ROBO2: variants seen among roughly 807,000 people sequenced by gnomAD.
The protein encoded by ROBO2 is roundabout guidance receptor 2.
ROBO2 carries 53 observed loss-of-function variants against 160.8 expected under a neutral mutation model. The observed-to-expected ratio is 0.33, with a 90% CI of 0.26 to 0.41. ROBO2 has a LOEUF of 0.41. Among genes scored for constraint, ROBO2 ranks in the 10% least tolerant of loss-of-function variants. ROBO2 has a pLI of 1.00. For missense variants in ROBO2, 1,577 were observed against 1,722.4 expected, an observed-to-expected ratio of 0.92 and a Z score of 1.49; for synonymous variants, 664 against 611.7, an observed-to-expected ratio of 1.09 and a Z score of -1.26.
intron 2 of ROBO2, among the ~76,000 whole-genome samples, chr3:76,195,918 A>G (rs976066239): frequency 6.6e-6 from 1 of 152,114 alleles, no homozygotes; most frequent in South Asian, 2.1e-4. Context: ...TAGTTTTATA[A>G]GGTAGGGTCA....
At position 76,052,969 on chromosome 3, in the gene ROBO2, A is replaced by G. The variant is rs998987513; in HGVS notation, c.109+115367A>G. ...TAAGAAATATAACCTTTGGTTATTTATATTTTAAAGAAGCTAGTTTTATGA... is the reference window on the plus strand; with the variant it reads ...TAAGAAATATAACCTTTGGTTATTTGTATTTTAAAGAAGCTAGTTTTATGA... On this transcript the variant is annotated intron_variant, in intron 2 of 26. Transcript: ENST00000487694. Among the ~76,000 whole-genome samples the G allele has an allele frequency of 3.3e-4, 50 of 152,026 alleles. 1 individual carries two copies. The highest frequency in any genetic ancestry group is 2.7e-3 in the Admixed American group (41 of 15,266).
chr3:76,127,460 T>C (rs184761565), intron 2 of ROBO2, among the ~76,000 whole-genome samples: 2 of 152,200 alleles, frequency 1.3e-5, no homozygotes, highest in Non-Finnish European at 1.5e-5. Flanking sequence ...ATCTAACTTA[T>C]ATAATTTTCT....
intron 2 of ROBO2, among the ~76,000 whole-genome samples, chr3:77,219,436 A>ATATATG (rs2085441858): frequency 9.6e-6 from 1 of 104,688 alleles, no homozygotes; most frequent in Non-Finnish European, 1.8e-5. Flanking sequence ...ATGTGTGTGT[A>ATATATG]TATATATATA....
At chr3:76,792,216 A>G (rs2063402282) in intron 2 of ROBO2, among the ~76,000 whole-genome samples, 1 of 151,932 alleles carries the variant, frequency 6.6e-6, no homozygotes, top group African/African-American at 2.4e-5. Flanking sequence ...ATATAAATGC[A>G]CAGCACTCTC....
chr3:77,193,636 C>A (rs1004011273), intron 2 of ROBO2, among the ~76,000 whole-genome samples: 1 of 151,980 alleles, frequency 6.6e-6, no homozygotes, highest in Admixed American at 6.6e-5. Flanking sequence ...TGGGCCATGA[C>A]CTTGGAGTAG....
chr3:76,579,976 T>C (rs2108704148), intron 2 of ROBO2, among the ~76,000 whole-genome samples: 1 of 152,212 alleles, frequency 6.6e-6, no homozygotes, highest in East Asian at 1.9e-4. Context: ...AGCAAGTACT[T>C]TGATTTAGCT....
chr3:77,290,244 A>C (rs1190385576), intron 2 of ROBO2, among the ~76,000 whole-genome samples: 1 of 144,372 alleles, frequency 6.9e-6, no homozygotes, highest in African/African-American at 2.6e-5. Flanking sequence ...AGTAAAATTG[A>C]TGGTTAAACG....
upstream of ROBO2, among the ~76,000 whole-genome samples, chr3:77,037,203 A>C (rs2149587123): frequency 6.6e-6 from 1 of 152,310 alleles, no homozygotes; most frequent in African/African-American, 2.4e-5. Context: ...GTTATAAAAT[A>C]ATGGTTTTTT....
At chr3:77,299,819 G>A (rs918041687) in intron 2 of ROBO2, among the ~76,000 whole-genome samples, 3 of 152,094 alleles carry the variant, frequency 2.0e-5, no homozygotes, top group African/African-American at 7.2e-5. Context: ...AGAGAGGGAC[G>A]ATAGAGTGGT....
At chr3:77,210,181 G>A (rs533189696) in intron 2 of ROBO2, among the ~76,000 whole-genome samples, 32 of 150,918 alleles carry the variant, frequency 2.1e-4, no homozygotes, top group African/African-American at 7.8e-4. Flanking sequence ...CTTCATTGTG[G>A]AAAATTGAGA....
intron 6 of ROBO2, among the ~76,000 whole-genome samples, chr3:77,545,571 T>C (rs190587420): frequency 6.6e-6 from 1 of 152,268 alleles, no homozygotes; most frequent in Non-Finnish European, 1.5e-5. Flanking sequence ...ATTTCGTTTT[T>C]GTTTTTGTCA....
In ROBO2 at chr3:77,040,098, A is replaced by T; in HGVS notation, c.-688A>T. The T allele has an allele frequency of 1.3e-6, 1 of 783,148 alleles. No individual in the cohort carries two copies. The highest frequency in any genetic ancestry group is 1.5e-6 in the Non-Finnish European group (1 of 663,590). The allele number at this position is 783,148 out of a possible 1,614,324, so 48.5% of individuals were successfully genotyped here. On this transcript the variant is annotated 5_prime_UTR_variant, in exon 1 of 26. Transcript: ENST00000461745. ...TCGCTCCTTCCCTGCCTCCCTCACC[A>T]CGTAGGAGTTCGGATTCTCCACCCG...
At chr3:77,038,534 G>A (rs968414645), upstream of ROBO2, among the ~76,000 whole-genome samples, 1 of 152,040 alleles carries the variant, frequency 6.6e-6, no homozygotes, top group Non-Finnish European at 1.5e-5. Context: ...TTCCTCAGAC[G>A]GCCCCTTCTG....
At chr3:76,959,599 A>G (rs559161639) in intron 2 of ROBO2, among the ~76,000 whole-genome samples, 1 of 152,306 alleles carries the variant, frequency 6.6e-6, no homozygotes, top group East Asian at 1.9e-4. Flanking sequence ...CACATTTTCA[A>G]GGATGCTAAG....
intron 2 of ROBO2, among the ~76,000 whole-genome samples, chr3:77,217,960 TTA>T (rs2085203438): frequency 6.6e-6 from 1 of 152,218 alleles, no homozygotes; most frequent in Non-Finnish European, 1.5e-5. Context: ...TTGAAATTAT[TTA>T]TATGTTTCCC....
Position 76,618,356 on chromosome 3 carries a change from C to T in ROBO2, c.110-479658C>T, listed in dbSNP as rs559239749. ...AATTTATAGGTGGTTTTCACAAATACTGTTTCATTAATTGGAGTATTATGA... is the reference window on the plus strand; with the variant it reads ...AATTTATAGGTGGTTTTCACAAATATTGTTTCATTAATTGGAGTATTATGA... On this transcript the variant is annotated intron_variant, in intron 2 of 26. Coordinates refer to the ROBO2 transcript ENST00000487694. Among the ~76,000 whole-genome samples the T allele has an allele frequency of 1.7e-3, 260 of 151,276 alleles. 4 individuals carry two copies. Among genetic ancestry groups the T allele is most frequent in the Non-Finnish European group, 3.0e-3 (207 of 67,948 alleles).
intron 2 of ROBO2, among the ~76,000 whole-genome samples, chr3:76,321,680 A>T (rs1204607902): frequency 6.6e-6 from 1 of 152,156 alleles, no homozygotes; most frequent in Non-Finnish European, 1.5e-5. Context: ...TCTAATGGAC[A>T]GTGTGTTGAG....
intron 2 of ROBO2, among the ~76,000 whole-genome samples, chr3:77,321,849 A>C (rs1196886957): frequency 6.6e-6 from 1 of 152,170 alleles, no homozygotes; most frequent in East Asian, 1.9e-4. Context: ...AGAGTACACC[A>C]AGGACAAAGT....
chr3:76,310,624 A>T (rs868251249), intron 2 of ROBO2, among the ~76,000 whole-genome samples: 2 of 152,202 alleles, frequency 1.3e-5, no homozygotes, highest in Admixed American at 1.3e-4. Context: ...GAAAAATAAG[A>T]TACATTTTAA....
Sources: allele counts gnomAD v4.1 joint callset (sites outside exome capture counted in the v4.1 genomes callset), GRCh38; gene constraint gnomAD v4.1.1; transcripts MANE v1.5; gene names NCBI Gene and HGNC (gene_info 2026-07-23, HGNC 2026-07-21).